Variants in LRRC27 observed in about 807,000 individuals in gnomAD.
LRRC27 encodes the protein leucine rich repeat containing 27, also known as leucine-rich repeat-containing protein 27.
Under a neutral mutation model 55.0 loss-of-function variants are expected in LRRC27, and 57 were observed. The observed-to-expected ratio is 1.04, with a 90% CI of 0.84 to 1.29. LRRC27 has a LOEUF of 1.29. Ranked by LOEUF, LRRC27 falls within the 50% of genes most tolerant of loss-of-function variation. The probability of loss-of-function intolerance (pLI) is 0.00; values close to 1 mark genes in which losing one functional copy is unlikely to be tolerated. For missense variants in LRRC27, 721 were observed against 651.5 expected (o/e 1.11, Z -1.16); for synonymous variants, 278 against 251.9 (o/e 1.10, Z -0.98).
At chr10:132,331,725 G>C (rs11146334), upstream of LRRC27, 1,583 of 1,612,406 alleles carry the variant, frequency 9.8e-4, 5 homozygotes, top group African/African-American at 0.017. Context: ...CTCCCCAGAC[G>C]GCACTTAGCA....
At chr10:132,331,416 C>A (rs754580129), upstream of LRRC27, 3 of 1,594,776 alleles carry the variant, frequency 1.9e-6, no homozygotes, top group Middle Eastern at 3.3e-4. Context: ...ATTCTCAAAA[C>A]CCTTCCTCAG....
chr10:132,337,558 A>G lies in LRRC27; in HGVS notation c.211-7A>G, dbSNP rs758018613. On this transcript the variant is annotated splice_polypyrimidine_tract_variant and splice_region_variant and intron_variant, in intron 2 of 10. Transcript: ENST00000368614. ...AAAACATTCTCTGATTCTCTTTTCC[A>G]TGGAAGCAATTGCATCTGCAAAGGA... The G allele has an allele frequency of 3.1e-6, 5 of 1,610,752 alleles. No individual in the cohort carries two copies. The highest frequency in any genetic ancestry group is 4.2e-6 in the Non-Finnish European group (5 of 1,178,800).
chr10:132,333,464 C>T lies in LRRC27; in HGVS notation c.-48-13C>T. The T allele has an allele frequency of 1.5e-6, 2 of 1,337,164 alleles. No individual in the cohort carries two copies. Among genetic ancestry groups the T allele is most frequent in the Non-Finnish European group, 2.0e-6 (2 of 989,110 alleles). 82.8% of individuals were successfully genotyped at this position (1,337,164 alleles called of 1,614,324 possible). ...ATTAGTTGCTTCTACGTTTCCCTTT[C>T]CCGTGTCTCCAGGTGACTCCAGACC... On this transcript the variant is annotated splice_polypyrimidine_tract_variant and intron_variant, in intron 1 of 10. Transcript: ENST00000368614.
chr10:132,359,890 C>T (rs1239210190), intron 8 of LRRC27, among the ~76,000 whole-genome samples: 15 of 152,178 alleles, frequency 9.9e-5, no homozygotes, highest in South Asian at 6.2e-4. Flanking sequence ...GCCACCAAAG[C>T]GGCAGCCTGT....
Position 132,351,745 on chromosome 10 carries a change from G to A in LRRC27, c.1065G>A (p.Gln355=). ...ELQEKQALME[Q]QRREKRALQE... ...AGGAGAAGCAGGCTCTGATGGAGCA[G>A]CAGAGACGGTGAGTCCACACAGGGT... Residue 355 remains glutamine (Q), a synonymous_variant, in exon 7 of 11, where the codon CAG becomes CAA. Transcript: ENST00000368614. The A allele has an allele frequency of 6.2e-7, 1 of 1,612,290 alleles. No individual in the cohort carries two copies. The highest frequency in any genetic ancestry group is 8.5e-7 in the Non-Finnish European group (1 of 1,179,404).
chr10:132,344,245 G>A (rs1411333751), intron 4 of LRRC27, among the ~76,000 whole-genome samples: 1 of 152,126 alleles, frequency 6.6e-6, no homozygotes, highest in Admixed American at 6.5e-5. Flanking sequence ...AATTGTGAAG[G>A]TGGTTGTGGC....
chr10:132,351,312 G>A (rs1029564058), intron 6 of LRRC27: 8 of 337,186 alleles, frequency 2.4e-5, no homozygotes, highest in East Asian at 6.3e-5. Context: ...TGCAGCTGCC[G>A]AGGCTGCACG....
chr10:132,365,513 T>C lies in LRRC27; in HGVS notation c.1379T>C (p.Leu460Pro), dbSNP rs1564856474. The C allele has an allele frequency of 2.5e-6, 4 of 1,613,652 alleles. No individual in the cohort carries two copies. The highest frequency in any genetic ancestry group is 3.4e-6 in the Non-Finnish European group (4 of 1,179,980). The change falls in exon 10 of 11, where the codon CTG (leucine) becomes CCG (proline). Residue 460 changes from leucine (L) to proline (P), a missense_variant. By Grantham distance (98) the Leu-to-Pro change is moderately conservative. Coordinates refer to ENST00000368614, the MANE Select transcript of LRRC27 (RefSeq NM_030626.3). Reference protein sequence around the residue: ...EQRRFHGQAPLEEMRKAAEDL... With the variant: ...EQRRFHGQAPPEEMRKAAEDL... ...AGAAGATTCCATGGCCAGGCCCCAC[T>C]GGAGGAGATGAGGAAGGCTGCCGAG...
Position 132,351,593 on chromosome 10 carries a change from C to T in LRRC27, c.927-14C>T, listed in dbSNP as rs2068013157. ...TTTGTTAAACATTCAGCTAAAAACA[C>T]TCTGTAATTTTAGAAGGAAGACAGC... On this transcript the variant is annotated splice_polypyrimidine_tract_variant and intron_variant, in intron 6 of 10. Coordinates refer to ENST00000368614, the MANE Select transcript of LRRC27 (RefSeq NM_030626.3). The T allele has an allele frequency of 1.9e-6, 3 of 1,608,926 alleles. No individual in the cohort carries two copies. Among genetic ancestry groups the T allele is most frequent in the African/African-American group, 1.3e-5 (1 of 74,418 alleles).
chr10:132,357,396 T>C (rs1440960513), intron 8 of LRRC27, among the ~76,000 whole-genome samples: 1 of 152,242 alleles, frequency 6.6e-6, no homozygotes, highest in African/African-American at 2.4e-5. Flanking sequence ...AGCTGAATTA[T>C]AGCAAAAATA....
At chr10:132,364,566 C>CACCCACACTT (rs1564854092) in intron 9 of LRRC27, among the ~76,000 whole-genome samples, 1 of 96,152 alleles carries the variant, frequency 1.0e-5, no homozygotes, top group East Asian at 2.9e-4. Flanking sequence ...CACTTACACC[C>CACCCACACTT]ACGTCCACAC....
chr10:132,363,572 G>A (rs977511459), intron 9 of LRRC27, among the ~76,000 whole-genome samples: 2 of 152,190 alleles, frequency 1.3e-5, no homozygotes, highest in Non-Finnish European at 2.9e-5. Flanking sequence ...AGACCCCAGG[G>A]CATGAGCACT....
At chr10:132,352,290 G>A (rs1325244549) in intron 7 of LRRC27, among the ~76,000 whole-genome samples, 1 of 41,942 alleles carries the variant, frequency 2.4e-5, no homozygotes, top group Non-Finnish European at 4.8e-5. Context: ...CGAGGCCTCC[G>A]GGTGGGGCAG....
chr10:132,338,299 G>A (rs749761683), intron 3 of LRRC27, among the ~76,000 whole-genome samples: 1 of 152,172 alleles, frequency 6.6e-6, no homozygotes, highest in Non-Finnish European at 1.5e-5. Context: ...CTGGGTGACA[G>A]AGTAAGAGTC....
chr10:132,348,285 G>C lies in LRRC27; in HGVS notation c.855G>C (p.Arg285Ser), dbSNP rs2067822635. ...ADVLGDQLLT[R>S]ELPPNLKAAL... ...TTCTGGGAGATCAGCTCTTGACGAG[G>C]GAATTACCTCCAAATCTCAAGGCGG... Residue 285 changes from arginine to serine, a missense_variant, in exon 6 of 11, where the codon AGG (arginine) becomes AGC (serine). Transcript: ENST00000368614. This position sits in a 1 kb window ranked among gnomAD's most constrained non-coding sequence, Gnocchi z 4.2. 6.2e-7 allele frequency: 1 copy of C among 1,613,870 alleles called. No homozygotes were observed. Among genetic ancestry groups the C allele is most frequent in the Admixed American group, 1.7e-5 (1 of 60,004 alleles).
chr10:132,343,648 T>C (rs1197300841), intron 4 of LRRC27, among the ~76,000 whole-genome samples: 2 of 152,254 alleles, frequency 1.3e-5, no homozygotes, highest in Admixed American at 6.5e-5. Flanking sequence ...AGCCCATTAA[T>C]GGACAGGGCC....
intron 7 of LRRC27, among the ~76,000 whole-genome samples, chr10:132,354,393 C>A (rs1374715211): frequency 6.6e-6 from 1 of 152,182 alleles, no homozygotes; most frequent in Non-Finnish European, 1.5e-5. Context: ...CAAGGTGTGA[C>A]CAGAAGACAG....
In LRRC27 at chr10:132,344,507, C is replaced by G. The variant is rs368266371; in HGVS notation, c.410C>G (p.Thr137Ser). 178 of 1,612,896 alleles carry G rather than the reference C, an allele frequency of 1.1e-4. No homozygotes were observed. The highest frequency in any genetic ancestry group is 1.5e-4 in the Non-Finnish European group (172 of 1,179,176). Residue 137 changes from threonine (T) to serine (S), a missense_variant, in exon 5 of 11, where the codon ACC (threonine) becomes AGC (serine). By Grantham distance (58) the Thr-to-Ser change is moderately conservative (BLOSUM62 1). Transcript: ENST00000368614. ...KMLPVELGSV[T>S]TLKALNLRHC... ...TTTTCCTCCACTGCAGGGAGCGTAACCACGCTGAAAGCACTGAACCTAAGA... is the reference window on the plus strand; with the variant it reads ...TTTTCCTCCACTGCAGGGAGCGTAAGCACGCTGAAAGCACTGAACCTAAGA...
intron 8 of LRRC27, among the ~76,000 whole-genome samples, chr10:132,358,325 ATGGAGCAGCGTGGGGAGGAGCCGAGGTGG>A (rs1564845754): frequency 1.1e-4 from 5 of 45,488 alleles, no homozygotes; most frequent in South Asian, 7.9e-4. Flanking sequence ...AGCCGAGGTG[ATGGAGCAGCGTGGGGAGGAGCCGAGGTGG>A]TGGAGCAGCG....
Sources: gnomAD v4.1 joint callset for allele counts (sites outside exome capture counted in the v4.1 genomes callset) on GRCh38, gnomAD v4.1.1 for gene constraint, Gnocchi (gnomAD v3.1) non-coding constraint, MANE v1.5 for transcripts, NCBI Gene and HGNC (gene_info 2026-07-23, HGNC 2026-07-21) for gene names.